YY1: variants seen among roughly 807,000 people sequenced by gnomAD.
YY1 encodes the protein transcriptional repressor protein YY1.
In YY1, 2 loss-of-function variants were observed where a neutral mutation model predicts 35.6. That is an observed-to-expected ratio of 0.06 (90% CI 0.02 to 0.18). YY1 has a LOEUF of 0.18. Among genes scored for constraint, YY1 ranks in the 10% least tolerant of loss-of-function variants. The pLI is 1.00. For missense variants in YY1, 322 were observed against 573.4 expected (o/e 0.56, Z 4.48); for synonymous variants, 268 against 238.9 (o/e 1.12, Z -1.12).
At chr14:100,244,201 A>G (rs1890794432) in intron 1 of YY1, among the ~76,000 whole-genome samples, 1 of 152,040 alleles carries the variant, frequency 6.6e-6, no homozygotes, top group Non-Finnish European at 1.5e-5. Flanking sequence ...AATTTCCCAC[A>G]GTAAGAGCAC....
At chr14:100,246,492 C>T (rs1423704051) in intron 1 of YY1, among the ~76,000 whole-genome samples, 1 of 152,144 alleles carries the variant, frequency 6.6e-6, no homozygotes, top group Non-Finnish European at 1.5e-5. Flanking sequence ...GAGACCCCAC[C>T]TGAGCTGTGA....
chr14:100,256,779 T>TTCTGAATGTATTAAAA (rs1891011385), intron 1 of YY1, among the ~76,000 whole-genome samples: 1 of 152,188 alleles, frequency 6.6e-6, no homozygotes, highest in African/African-American at 2.4e-5. Context: ...TGGTTACACA[T>TTCTGAATGTATTAAAA]TCTGAATGTA....
rs1480584541 is a variant in YY1, at chr14:100,279,476, A to T, written c.*1876A>T. 1 of 152,206 alleles carries T rather than the reference A, an allele frequency of 6.6e-6. No individual in the cohort carries two copies. Among genetic ancestry groups the T allele is most frequent in the Admixed American group, 6.5e-5 (1 of 15,276 alleles). The allele number at this position is 152,206 out of a possible 1,614,324, so 9.4% of individuals were successfully genotyped here. A position where few individuals can be genotyped will look rare whatever the true frequency, so the allele number is the denominator to read the frequency against. ...CATTTAACTTGAGACCCTTTAAAAA[A>T]TTCATCCAGAATCTGTTACCCCTTG... On this transcript the variant is annotated 3_prime_UTR_variant, in exon 5 of 5. Coordinates refer to ENST00000262238, the MANE Select transcript of YY1 (RefSeq NM_003403.5).
At chr14:100,247,872 G>A (rs1269421085) in intron 1 of YY1, among the ~76,000 whole-genome samples, 1 of 152,066 alleles carries the variant, frequency 6.6e-6, no homozygotes, top group Non-Finnish European at 1.5e-5. Context: ...TTGGGGTAGC[G>A]GTATCCTTAA....
chr14:100,245,435 T>G (rs527847379), intron 1 of YY1, among the ~76,000 whole-genome samples: 30 of 152,248 alleles, frequency 2.0e-4, no homozygotes, highest in African/African-American at 7.2e-4. Flanking sequence ...ACACCCAGCT[T>G]CAACTATGTT....
In YY1 at chr14:100,276,497, C is replaced by T; in HGVS notation, c.911C>T (p.Thr304Ile). The change falls in exon 4 of 5, where the codon ACA becomes ATA. Residue 304 changes from threonine to isoleucine, a missense_variant. By Grantham distance (89) the Thr-to-Ile change is moderately conservative. Transcript: ENST00000262238. This position sits in a 1 kb window ranked among gnomAD's most constrained non-coding sequence, Gnocchi z 4.1. Reference protein sequence around the residue: ...RTIACPHKGCTKMFRDNSAMR... With the variant: ...RTIACPHKGCIKMFRDNSAMR... ...TGCTTTCTCTGTTTTAAGGGCTGCA[C>T]AAAGATGTTCAGGGATAACTCGGCC... 1 of 1,614,022 alleles carries T rather than the reference C, an allele frequency of 6.2e-7. No homozygotes were observed. Among genetic ancestry groups the T allele is most frequent in the Non-Finnish European group, 8.5e-7 (1 of 1,179,942 alleles).
intron 1 of YY1, among the ~76,000 whole-genome samples, chr14:100,259,178 T>A (rs1293023919): frequency 6.6e-6 from 1 of 152,168 alleles, no homozygotes; most frequent in African/African-American, 2.4e-5. Context: ...TATTTCTAAT[T>A]TAGGCATCAA....
At chr14:100,244,564 T>A (rs1287992671) in intron 1 of YY1, among the ~76,000 whole-genome samples, 1 of 150,838 alleles carries the variant, frequency 6.6e-6, no homozygotes, top group African/African-American at 2.4e-5. Context: ...ATTACCAACC[T>A]GCCCGCCCCA....
intron 2 of YY1, among the ~76,000 whole-genome samples, chr14:100,262,851 G>A (rs1319157103): frequency 6.6e-6 from 1 of 152,136 alleles, no homozygotes; most frequent in African/African-American, 2.4e-5. Context: ...AAAATTGCAC[G>A]TAATTTGTTT....
intron 1 of YY1, among the ~76,000 whole-genome samples, chr14:100,247,942 C>G (rs924987025): frequency 1.8e-4 from 27 of 151,984 alleles, no homozygotes; most frequent in Middle Eastern, 6.8e-3. Flanking sequence ...ACAATATACT[C>G]AATTTCTTTC....
At chr14:100,266,384 G>A (rs1299863941) in intron 2 of YY1, among the ~76,000 whole-genome samples, 1 of 152,162 alleles carries the variant, frequency 6.6e-6, no homozygotes. Flanking sequence ...GCAGTGGAGG[G>A]GCGGAGGGCT....
In YY1 at chr14:100,254,356, G is replaced by A. The variant is rs542787731; in HGVS notation, c.680-7948G>A. On this transcript the variant is annotated intron_variant, in intron 1 of 4. Coordinates refer to ENST00000262238, the MANE Select transcript of YY1 (RefSeq NM_003403.5). Reference sequence around the variant, plus strand: ...TGTGTGTCCAGCTTGTGAAAATGAGGCAGGTCAAATATTGTCCTTTTGATT... The same window carrying A: ...TGTGTGTCCAGCTTGTGAAAATGAGACAGGTCAAATATTGTCCTTTTGATT... Among the ~76,000 whole-genome samples, 3 of 152,284 alleles carry A rather than the reference G, an allele frequency of 2.0e-5. No homozygotes were observed. The South Asian group carries it at 6.2e-4, about 32-fold the overall frequency.
In YY1 at chr14:100,277,114, C is replaced by T. The variant is rs895813693; in HGVS notation, c.1063-304C>T. ...TCTTTTTTGACAACTGACACCAGAA[C>T]CCTTAATCATTTGTATTTTACTGTT... On this transcript the variant is annotated intron_variant, in intron 4 of 4. Transcript: ENST00000262238. This position sits in a 1 kb window ranked among gnomAD's most constrained non-coding sequence, Gnocchi z 5.6. 4.7e-5 allele frequency: 23 copies of T among 488,876 alleles called. No individual in the cohort carries two copies. Among genetic ancestry groups the T allele is most frequent in the Non-Finnish European group, 6.7e-5 (18 of 269,554 alleles). 30.3% of individuals were successfully genotyped at this position (488,876 alleles called of 1,614,324 possible). A position where few individuals can be genotyped will look rare whatever the true frequency, so the allele number is the denominator to read the frequency against.
chr14:100,255,863 A>C (rs1890997960), intron 1 of YY1, among the ~76,000 whole-genome samples: 1 of 152,188 alleles, frequency 6.6e-6, no homozygotes, highest in South Asian at 2.1e-4. Context: ...TCTCCTTTGC[A>C]AAGTCTTCCT....
intron 2 of YY1, among the ~76,000 whole-genome samples, chr14:100,267,992 C>T (rs1368935975): frequency 1.3e-5 from 2 of 152,164 alleles, no homozygotes; most frequent in Admixed American, 1.3e-4. Flanking sequence ...GGAATTGATG[C>T]CCGGGACTCT....
intron 2 of YY1, among the ~76,000 whole-genome samples, chr14:100,271,417 G>A (rs1191587727): frequency 1.3e-5 from 2 of 152,028 alleles, no homozygotes; most frequent in African/African-American, 4.8e-5. Context: ...AGAACTCCAG[G>A]ATTTATTTGT....
At chr14:100,268,803 A>T (rs957485413) in intron 2 of YY1, among the ~76,000 whole-genome samples, 6 of 152,208 alleles carry the variant, frequency 3.9e-5, no homozygotes, top group African/African-American at 1.4e-4. Flanking sequence ...AGATCAGAGG[A>T]TGGTTCTGGT....
At chr14:100,258,802 G>A (rs1026298590) in intron 1 of YY1, among the ~76,000 whole-genome samples, 1 of 152,226 alleles carries the variant, frequency 6.6e-6, no homozygotes, top group African/African-American at 2.4e-5. Context: ...ATGAAGAGTG[G>A]TGGAATTAGA....
At chr14:100,240,826 T>C (rs1399881185) in intron 1 of YY1, among the ~76,000 whole-genome samples, 2 of 152,202 alleles carry the variant, frequency 1.3e-5, no homozygotes, top group Non-Finnish European at 2.9e-5. Flanking sequence ...TATTTAGCTC[T>C]TCTGAATAGG....
Sources: allele counts gnomAD v4.1 joint callset (sites outside exome capture counted in the v4.1 genomes callset), GRCh38; gene constraint gnomAD v4.1.1; non-coding constraint Gnocchi (gnomAD v3.1); transcripts MANE v1.5; gene names NCBI Gene and HGNC (gene_info 2026-07-23, HGNC 2026-07-21).